CDC25B: variants seen among roughly 807,000 people sequenced by gnomAD.
CDC25B encodes cell division cycle 25B, also known as M-phase inducer phosphatase 2.
In CDC25B, 33 loss-of-function variants were observed where a neutral mutation model predicts 69.8. The ratio of observed to expected loss-of-function variants is 0.47; its 90% CI spans 0.36 to 0.63. The LOEUF (loss-of-function observed/expected upper bound fraction) is 0.63, where lower values mean the gene tolerates loss of function less well. Among genes scored for constraint, CDC25B ranks in the 30% least tolerant of loss-of-function variants. CDC25B has a pLI of 0.00. For synonymous variants in CDC25B, 341 were observed against 314.6 expected (o/e 1.08, Z -0.89); for missense variants, 727 against 809.1 (o/e 0.90, Z 1.23).
intron 14 of CDC25B, 70 bp from the exon 15 acceptor site, chr20:3,804,499 G>A (rs2089403572): frequency 4.2e-6 from 4 of 962,188 alleles, no homozygotes; most frequent in South Asian, 2.7e-5. Context: ...GGGGACGTGG[G>A]GGATAGGTCC....
chr20:3,797,526 G>A (rs772949048), intron 1 of CDC25B, 96 bp from the exon 2 acceptor site: 23 of 1,489,290 alleles, frequency 1.5e-5, no homozygotes, highest in Non-Finnish European at 2.0e-5. Flanking sequence ...GTTTCGCTCA[G>A]TTCTTTTCTC....
Position 3,796,441 on chromosome 20 carries a change from C to T in CDC25B, c.-91C>T. ...CTTCCCCCCCCCCCCACCCCTCGCC[C>T]GCTGCCTCCCTCGGCCCAGCCAGCT... On this transcript the variant is annotated 5_prime_UTR_variant, in exon 1 of 16. Coordinates refer to ENST00000245960, the MANE Select transcript of CDC25B (RefSeq NM_021873.4). 8 of 651,652 alleles carry T rather than the reference C, an allele frequency of 1.2e-5. No individual in the cohort carries two copies. The highest frequency in any genetic ancestry group is 6.6e-5 in the South Asian group (3 of 45,742). The allele number at this position is 651,652 out of a possible 1,614,324, so 40.4% of individuals were successfully genotyped here.
At chr20:3,791,614 C>A (rs1040252617), upstream of CDC25B, among the ~76,000 whole-genome samples, 1 of 152,102 alleles carries the variant, frequency 6.6e-6, no homozygotes, top group Non-Finnish European at 1.5e-5. Context: ...ACTCAGGAGA[C>A]AGATGTTGCA....
rs376538027 is a variant in CDC25B, at chr20:3,797,883, C to G, written c.328+134C>G. On this transcript the variant is annotated intron_variant, in intron 2 of 15. Transcript: ENST00000245960. The stretch of plus-strand genomic sequence containing the variant: ...CTGGTGGGCCCAGGAGCCTCTCCCC[C>G]ACCCTCCACAGAAATGGGAGGAAGA... 1.8e-4 allele frequency: 196 copies of G among 1,067,078 alleles called. 1 individual carries two copies. The highest frequency in any genetic ancestry group is 1.8e-3 in the East Asian group (76 of 41,658). 66.1% of individuals were successfully genotyped at this position (1,067,078 alleles called of 1,614,324 possible). A position where few individuals can be genotyped will look rare whatever the true frequency, so the allele number is the denominator to read the frequency against.
In CDC25B at chr20:3,803,428, C is replaced by A; in HGVS notation, c.1381C>A (p.Arg461Ser). The change falls in exon 14 of 16, where the codon CGC (arginine) becomes AGC (serine). Residue 461 changes from arginine (R) to serine (S), a missense_variant. By Grantham distance (110) the Arg-to-Ser change is moderately radical. This residue lies in a region of CDC25B where 359 missense variants were observed against 463.4 expected (regional missense o/e 0.77). Transcript: ENST00000245960. The surrounding 1 kb of genome is among the most constrained non-coding windows in gnomAD (Gnocchi z 4.9). ...IKTAVNLPLE[R>S]DAESFLLKSP... Reference sequence around the variant, plus strand: ...GACTGCGGTGAACTTGCCCCTGGAACGCGACGCCGAGAGCTTCCTACTGAA... The same window carrying A: ...GACTGCGGTGAACTTGCCCCTGGAAAGCGACGCCGAGAGCTTCCTACTGAA... 1 of 1,614,100 alleles carries A rather than the reference C, an allele frequency of 6.2e-7. No individual in the cohort carries two copies.
rs2089344079 is a variant in CDC25B, at chr20:3,803,083, A to C, written c.1258-25A>C. 2 of 1,608,106 alleles carry C rather than the reference A, an allele frequency of 1.2e-6. No homozygotes were observed. Among genetic ancestry groups the C allele is most frequent in the African/African-American group, 1.3e-5 (1 of 74,776 alleles). ...GCCAGCTGCCAGCCTGACCTGCCGG[A>C]ACCAACCCCCATGACCTCCTACAGA... On this transcript the variant is annotated intron_variant, in intron 12 of 15. Coordinates refer to ENST00000245960, the MANE Select transcript of CDC25B (RefSeq NM_021873.4). This position sits in a 1 kb window ranked among gnomAD's most constrained non-coding sequence, Gnocchi z 4.9.
At chr20:3,790,483 C>T (rs1189490347) in intron 1 of CDC25B, among the ~76,000 whole-genome samples, 1 of 122,360 alleles carries the variant, frequency 8.2e-6, no homozygotes, top group African/African-American at 3.1e-5. Context: ...CTCCCAGGTT[C>T]AAGAAACTCT....
chr20:3,793,051 T>A (rs1396096607), upstream of CDC25B, among the ~76,000 whole-genome samples: 2 of 152,332 alleles, frequency 1.3e-5, no homozygotes, highest in African/African-American at 4.8e-5. Flanking sequence ...TCTCATTAAT[T>A]TATATTGATA....
intron 8 of CDC25B, 98 bp from the exon 9 acceptor site, chr20:3,801,624 C>T: frequency 1.7e-6 from 2 of 1,165,258 alleles, no homozygotes; most frequent in Non-Finnish European, 2.4e-6. Context: ...TGGAGTTTGC[C>T]AGGGAAACAG....
Position 3,805,246 on chromosome 20 carries a change from G to A in CDC25B, c.*285G>A. On this transcript the variant is annotated 3_prime_UTR_variant, in exon 16 of 16. Coordinates refer to ENST00000245960, the MANE Select transcript of CDC25B (RefSeq NM_021873.4). The stretch of plus-strand genomic sequence containing the variant: ...ATTTTGTGTCCTCCAGGAGCTTCTT[G>A]TTTCCTTGTTAGGGTTAACCCTTCA... 2.2e-6 allele frequency: 1 copy of A among 459,062 alleles called. No homozygotes were observed. The allele number at this position is 459,062 out of a possible 1,614,324, so 28.4% of individuals were successfully genotyped here. A position where few individuals can be genotyped will look rare whatever the true frequency, so the allele number is the denominator to read the frequency against.
At position 3,801,686 on chromosome 20, in the gene CDC25B, T is replaced by C. The variant is rs1178440147; in HGVS notation, c.841-36T>C. 3 of 1,517,534 alleles carry C rather than the reference T, an allele frequency of 2.0e-6. No homozygotes were observed. The African/African-American group carries it at 4.2e-5, about 21-fold the overall frequency. 94.0% of individuals were successfully genotyped at this position (1,517,534 alleles called of 1,614,324 possible). On this transcript the variant is annotated intron_variant, in intron 8 of 15. Transcript: ENST00000245960. ...ACTGGAGGGGTTTGGCCTATGCCTG[T>C]GGGTTGTGACCCTGTCCTTGCTAAT... is the stretch of plus-strand genomic sequence containing the variant.
In CDC25B at chr20:3,805,572, C is replaced by T. The variant is rs1388023684; in HGVS notation, c.*611C>T. On this transcript the variant is annotated 3_prime_UTR_variant, in exon 16 of 16. Transcript: ENST00000245960. ...TGTGTGCTTGGTCTGTTTGACTTTA[C>T]GCCCATCTCAGGACACTTCCGTAGA... The T allele has an allele frequency of 7.6e-6, 3 of 393,944 alleles. No individual in the cohort carries two copies. The highest frequency in any genetic ancestry group is 1.3e-5 in the Non-Finnish European group (3 of 223,454). The allele number at this position is 393,944 out of a possible 1,614,324, so 24.4% of individuals were successfully genotyped here.
intron 1 of CDC25B, among the ~76,000 whole-genome samples, chr20:3,797,417 C>T (rs933269271): frequency 1.3e-5 from 2 of 152,218 alleles, no homozygotes; most frequent in African/African-American, 4.8e-5. Context: ...CTTTCCTAAA[C>T]CAGTCAACGA....
upstream of CDC25B, chr20:3,796,127 G>A (rs1292422636): frequency 9.5e-7 from 1 of 1,055,252 alleles, no homozygotes; most frequent in Non-Finnish European, 1.1e-6. Context: ...GCGAGGGTGT[G>A]GGATAAATCT....
chr20:3,800,797 C>T lies in CDC25B; in HGVS notation c.514C>T (p.Pro172Ser), dbSNP rs1195699094. The change falls in exon 6 of 16, where the codon CCC becomes TCC. Residue 172 changes from proline to serine, a missense_variant. Transcript: ENST00000245960. ...VLRNITNSQA[P>S]DGRRKSEAGS... The stretch of plus-strand genomic sequence containing the variant: ...TCGGAACATCACCAACTCCCAGGCG[C>T]CCGACGGCCGGAGGAAGAGCGAGGC... 1 of 1,612,558 alleles carries T rather than the reference C, an allele frequency of 6.2e-7. No homozygotes were observed. Among genetic ancestry groups the T allele is most frequent in the Non-Finnish European group, 8.5e-7 (1 of 1,180,036 alleles).
In CDC25B at chr20:3,805,123, G is replaced by A; in HGVS notation, c.*162G>A. Reference sequence around the variant, plus strand: ...TCTGCCCCAGCCCAGATTCCCCTGTGTCATCCCATCATTTTCCATATCCTG... The same window carrying A: ...TCTGCCCCAGCCCAGATTCCCCTGTATCATCCCATCATTTTCCATATCCTG... On this transcript the variant is annotated 3_prime_UTR_variant, in exon 16 of 16. Transcript: ENST00000245960. 1 of 699,776 alleles carries A rather than the reference G, an allele frequency of 1.4e-6. No individual in the cohort carries two copies. The highest frequency in any genetic ancestry group is 2.3e-6 in the Non-Finnish European group (1 of 428,932). The allele number at this position is 699,776 out of a possible 1,614,324, so 43.3% of individuals were successfully genotyped here. A position where few individuals can be genotyped will look rare whatever the true frequency, so the allele number is the denominator to read the frequency against.
upstream of CDC25B, among the ~76,000 whole-genome samples, chr20:3,793,765 A>G (rs1205464128): frequency 2.0e-5 from 2 of 100,816 alleles, no homozygotes; most frequent in Non-Finnish European, 1.9e-5. Flanking sequence ...CCACCCCACA[A>G]CAGTCCCCAG....
intron 1 of CDC25B, among the ~76,000 whole-genome samples, chr20:3,789,600 A>T (rs992827157): frequency 6.6e-6 from 1 of 152,076 alleles, no homozygotes; most frequent in Non-Finnish European, 1.5e-5. Flanking sequence ...CAAACTCCTG[A>T]CCTCAAGTGA....
At chr20:3,791,362 G>A (rs2088912470), upstream of CDC25B, among the ~76,000 whole-genome samples, 1 of 152,104 alleles carries the variant, frequency 6.6e-6, no homozygotes, top group South Asian at 2.1e-4. Flanking sequence ...CTTGAGATGA[G>A]ATTCAAGAAA....
Sources: gnomAD v4.1 joint callset for allele counts (sites outside exome capture counted in the v4.1 genomes callset) on GRCh38, gnomAD v4.1.1 for gene constraint, gnomAD v4.1.1 regional missense constraint, Gnocchi (gnomAD v3.1) non-coding constraint, MANE v1.5 for transcripts, NCBI Gene and HGNC (gene_info 2026-07-23, HGNC 2026-07-21) for gene names.